Variants in ZFYVE9 observed in about 807,000 individuals in gnomAD.
ZFYVE9 encodes zinc finger FYVE domain-containing protein 9.
A neutral mutation model predicts 126.7 loss-of-function variants in ZFYVE9; 43 were observed. That is an observed-to-expected ratio of 0.34 (90% CI 0.27 to 0.44). ZFYVE9 has a LOEUF of 0.44. Among genes scored for constraint, ZFYVE9 ranks in the 20% least tolerant of loss-of-function variants. The probability of loss-of-function intolerance (pLI) is 1.00; values close to 1 mark genes in which losing one functional copy is unlikely to be tolerated. For synonymous variants in ZFYVE9, 521 were observed against 597.4 expected (o/e 0.87, Z 1.87); for missense variants, 1,476 against 1,697.0 (o/e 0.87, Z 2.29).
intron 9 of ZFYVE9, among the ~76,000 whole-genome samples, chr1:52,279,379 C>G (rs932573642): frequency 2.0e-5 from 3 of 152,174 alleles, no homozygotes; most frequent in Admixed American, 2.0e-4. Context: ...CACAGTAAAG[C>G]TTCAATACAT....
chr1:52,151,133 C>T (rs185982659), intron 1 of ZFYVE9, among the ~76,000 whole-genome samples: 9 of 152,172 alleles, frequency 5.9e-5, no homozygotes, highest in African/African-American at 2.2e-4. Context: ...TGATTTGGTT[C>T]CAAGCTGATC....
chr1:52,205,635 A>G (rs1644971668), intron 1 of ZFYVE9, among the ~76,000 whole-genome samples: 1 of 151,660 alleles, frequency 6.6e-6, no homozygotes, highest in South Asian at 2.1e-4. Context: ...GGCCTCCCAG[A>G]GCACTGGGTT....
At chr1:52,185,461 T>C (rs979233485) in intron 1 of ZFYVE9, among the ~76,000 whole-genome samples, 4 of 152,212 alleles carry the variant, frequency 2.6e-5, no homozygotes, top group Admixed American at 6.5e-5. Context: ...TATTGAGGAA[T>C]GTCTAAAATT....
At chr1:52,152,593 T>G (rs765924240) in intron 1 of ZFYVE9, among the ~76,000 whole-genome samples, 35 of 152,250 alleles carry the variant, frequency 2.3e-4, no homozygotes, top group Middle Eastern at 6.8e-3. Flanking sequence ...ATAATCACTC[T>G]TAATATCTAA....
At chr1:52,175,286 A>G (rs2124530470) in intron 1 of ZFYVE9, among the ~76,000 whole-genome samples, 1 of 150,118 alleles carries the variant, frequency 6.7e-6, no homozygotes, top group South Asian at 2.2e-4. Context: ...CTGGATATGA[A>G]ATTCTGGGTT....
chr1:52,276,203 G>T (rs1645747171), intron 8 of ZFYVE9, among the ~76,000 whole-genome samples: 1 of 152,124 alleles, frequency 6.6e-6, no homozygotes, highest in Non-Finnish European at 1.5e-5. Context: ...ACCATGCCCG[G>T]TCTGACAATG....
At chr1:52,299,723 G>C (rs1287148118) in intron 12 of ZFYVE9, among the ~76,000 whole-genome samples, 1 of 152,202 alleles carries the variant, frequency 6.6e-6, no homozygotes, top group Admixed American at 6.5e-5. Flanking sequence ...GGATGATGGT[G>C]ATACAGCTAC....
Position 52,343,550 on chromosome 1 carries a change from G to A in ZFYVE9, c.3940-1218G>A, listed in dbSNP as rs550180975. On this transcript the variant is annotated intron_variant, in intron 17 of 18. Transcript: ENST00000287727. The stretch of plus-strand genomic sequence containing the variant: ...GCAGGAGGATCACCTAAGGTCAGGA[G>A]TTCAAGGCCAACCTGGCCAACATGG... Among the ~76,000 whole-genome samples, 8 of 151,014 alleles carry A rather than the reference G, an allele frequency of 5.3e-5. No homozygotes were observed. The East Asian group carries it at 1.6e-3, about 30-fold the overall frequency.
At chr1:52,268,891 G>A (rs1285012338) in intron 7 of ZFYVE9, among the ~76,000 whole-genome samples, 2 of 152,128 alleles carry the variant, frequency 1.3e-5, no homozygotes, top group African/African-American at 4.8e-5. Flanking sequence ...CTAGCAGTCG[G>A]GCTGTGGGGA....
chr1:52,316,607 C>T (rs563361827), intron 13 of ZFYVE9, among the ~76,000 whole-genome samples: 2 of 151,914 alleles, frequency 1.3e-5, no homozygotes, highest in African/African-American at 4.8e-5. Context: ...TAAAGAAATA[C>T]ATACCATATT....
At chr1:52,234,695 CACTA>C (rs1349120869) in intron 3 of ZFYVE9, among the ~76,000 whole-genome samples, 1 of 152,176 alleles carries the variant, frequency 6.6e-6, no homozygotes, top group African/African-American at 2.4e-5. Context: ...GATGACCTAA[CACTA>C]ACCTATATTC....
At chr1:52,342,410 C>T (rs539372955) in intron 17 of ZFYVE9, among the ~76,000 whole-genome samples, 38 of 151,806 alleles carry the variant, frequency 2.5e-4, no homozygotes, top group Non-Finnish European at 3.5e-4. Context: ...GGATTACAGG[C>T]GCCCGCTACC....
At chr1:52,154,147 G>A (rs1644381186) in intron 1 of ZFYVE9, among the ~76,000 whole-genome samples, 1 of 152,206 alleles carries the variant, frequency 6.6e-6, no homozygotes, top group South Asian at 2.1e-4. Context: ...ATTAAGTGCT[G>A]TATAAGTCTA....
At chr1:52,198,283 C>T (rs937204183) in intron 1 of ZFYVE9, among the ~76,000 whole-genome samples, 2 of 151,640 alleles carry the variant, frequency 1.3e-5, no homozygotes, top group Admixed American at 6.6e-5. Flanking sequence ...CCACCACGCT[C>T]AGAAAATTTT....
At position 52,189,626 on chromosome 1, in the gene ZFYVE9, G is replaced by A. The variant is rs996888795; in HGVS notation, c.-142-26743G>A. 3.6e-4 allele frequency among the ~76,000 whole-genome samples: 54 copies of A among 151,788 alleles called. 2 individuals carry two copies. The highest frequency in any genetic ancestry group is 1.3e-4 in the Non-Finnish European group (9 of 67,968). ...GGCCTCAAGTGATTTGCCTCACTCAGCCTCTGAAAGTGCTGGGATTACAGG... is the reference window on the plus strand; with the variant it reads ...GGCCTCAAGTGATTTGCCTCACTCAACCTCTGAAAGTGCTGGGATTACAGG... On this transcript the variant is annotated intron_variant, in intron 1 of 18. Coordinates refer to ENST00000287727, the MANE Select transcript of ZFYVE9 (RefSeq NM_004799.4).
In ZFYVE9 at chr1:52,207,658, G is replaced by A. The variant is rs189700148; in HGVS notation, c.-142-8711G>A. On this transcript the variant is annotated intron_variant, in intron 1 of 18. Coordinates refer to ENST00000287727, the MANE Select transcript of ZFYVE9 (RefSeq NM_004799.4). ...CAAATTTACTTAGCCTCTTCAGAAA[G>A]TTGAACATCAGGTTACTTTTTCGTT... 5.8e-3 allele frequency among the ~76,000 whole-genome samples: 878 copies of A among 152,280 alleles called. 14 individuals carry two copies. Among genetic ancestry groups the A allele is most frequent in the African/African-American group, 0.02 (844 of 41,548 alleles).
At position 52,198,120 on chromosome 1, in the gene ZFYVE9, G is replaced by GTTTTTTTTTT. The variant is rs373096573; in HGVS notation, c.-142-18246_-142-18245insTTTTTTTTTT. On this transcript the variant is annotated intron_variant, in intron 1 of 18. Transcript: ENST00000287727. ...AAATAATATTGTAGTGTTTTTTTTT[G>GTTTTTTTTTT]TTTGTTTTTTTTTTTTTTTGAGATG... is the stretch of plus-strand genomic sequence containing the variant. Among the ~76,000 whole-genome samples, 32 of 111,080 alleles carry GTTTTTTTTTT rather than the reference G, an allele frequency of 2.9e-4. 7 individuals carry two copies. The highest frequency in any genetic ancestry group is 5.0e-4 in the African/African-American group (14 of 28,204). The allele number at this position is 111,080 out of a possible 152,430, so 72.9% of individuals were successfully genotyped here.
intron 18 of ZFYVE9, 78 bp downstream of exon 18, chr1:52,345,022 C>T: frequency 1.3e-6 from 2 of 1,497,304 alleles, no homozygotes; most frequent in East Asian, 2.3e-5. Context: ...TTCTGCATCA[C>T]CCCAGAGAGC....
At chr1:52,297,048 C>G (rs1003096236) in intron 12 of ZFYVE9, among the ~76,000 whole-genome samples, 2 of 152,056 alleles carry the variant, frequency 1.3e-5, no homozygotes, top group Non-Finnish European at 2.9e-5. Flanking sequence ...CTCAATGATT[C>G]ACCTGCCTCA....
Sources: gnomAD v4.1 joint callset for allele counts (sites outside exome capture counted in the v4.1 genomes callset) on GRCh38, gnomAD v4.1.1 for gene constraint, MANE v1.5 for transcripts, NCBI Gene and HGNC (gene_info 2026-07-23, HGNC 2026-07-21) for gene names.